The following CNTN5 variants were observed in gnomAD, a reference collection of about 807,000 sequenced individuals.
CNTN5 encodes the protein contactin 5, also known as contactin-5.
Under a neutral mutation model 129.1 loss-of-function variants are expected in CNTN5, and 77 were observed. The ratio of observed to expected loss-of-function variants is 0.60; its 90% CI spans 0.50 to 0.72. The LOEUF (loss-of-function observed/expected upper bound fraction) is 0.72, where lower values mean the gene tolerates loss of function less well. CNTN5 is among the 30% of genes least tolerant of loss of function. The pLI, the probability that CNTN5 is intolerant of heterozygous loss-of-function variation, is 0.00. For missense variants in CNTN5, 1,478 were observed against 1,328.8 expected, an observed-to-expected ratio of 1.11 and a Z score of -1.75; for synonymous variants, 509 against 465.6, an observed-to-expected ratio of 1.09 and a Z score of -1.20.
intron 3 of CNTN5, among the ~76,000 whole-genome samples, chr11:99,785,735 C>G (rs1048400915): frequency 6.6e-6 from 1 of 152,080 alleles, no homozygotes; most frequent in Non-Finnish European, 1.5e-5. Context: ...TAAACATAAA[C>G]AGAACCAATG....
At chr11:100,057,233 T>C (rs1943272901) in intron 9 of CNTN5, among the ~76,000 whole-genome samples, 1 of 147,936 alleles carries the variant, frequency 6.8e-6, no homozygotes, top group Non-Finnish European at 1.5e-5. Flanking sequence ...TATAAGTATA[T>C]ACATTATAAA....
chr11:99,948,227 A>T (rs959333599), intron 7 of CNTN5, among the ~76,000 whole-genome samples: 2 of 152,190 alleles, frequency 1.3e-5, no homozygotes, highest in African/African-American at 4.8e-5. Context: ...GTAAATCTTA[A>T]TGTAAGTGGA....
chr11:99,744,029 C>T (rs1219314995), intron 3 of CNTN5, among the ~76,000 whole-genome samples: 2 of 152,024 alleles, frequency 1.3e-5, no homozygotes, highest in Non-Finnish European at 2.9e-5. Context: ...TGAAAAATTT[C>T]AACCCTTAAA....
At chr11:99,319,968 G>A (rs1287810862) in intron 1 of CNTN5, among the ~76,000 whole-genome samples, 1 of 152,160 alleles carries the variant, frequency 6.6e-6, no homozygotes, top group Non-Finnish European at 1.5e-5. Flanking sequence ...GTCAGAAATG[G>A]CTTTAGCATG....
intron 13 of CNTN5, among the ~76,000 whole-genome samples, chr11:100,157,485 T>C (rs1208837326): frequency 6.6e-6 from 1 of 151,302 alleles, no homozygotes; most frequent in Non-Finnish European, 1.5e-5. Context: ...TATACCATGT[T>C]AATGAATTGA....
chr11:100,082,017 C>T (rs1223254657), intron 13 of CNTN5, among the ~76,000 whole-genome samples: 4 of 152,148 alleles, frequency 2.6e-5, no homozygotes, highest in Non-Finnish European at 5.9e-5. Flanking sequence ...CACAAACACA[C>T]ATTAAGCATG....
chr11:99,346,326 T>C (rs1937861801), intron 2 of CNTN5, among the ~76,000 whole-genome samples: 1 of 152,268 alleles, frequency 6.6e-6, no homozygotes, highest in South Asian at 2.1e-4. Context: ...TGTGAACTAA[T>C]GTATTTTCAA....
intron 9 of CNTN5, among the ~76,000 whole-genome samples, chr11:100,010,091 G>A (rs1940434190): frequency 6.6e-6 from 1 of 152,006 alleles, no homozygotes; most frequent in Admixed American, 6.6e-5. Flanking sequence ...GAGATAAAGG[G>A]GTCAAGGGAC....
chr11:100,272,530 G>A (rs1331265323), intron 18 of CNTN5, among the ~76,000 whole-genome samples: 1 of 151,616 alleles, frequency 6.6e-6, no homozygotes, highest in Admixed American at 6.6e-5. Context: ...AGGGAGGGAG[G>A]GAAAAGAAAG....
chr11:99,908,991 G>C (rs144660553), intron 6 of CNTN5, among the ~76,000 whole-genome samples: 2 of 151,946 alleles, frequency 1.3e-5, no homozygotes, highest in Non-Finnish European at 2.9e-5. Flanking sequence ...GAAAAAACGG[G>C]GCTAATGAAA....
intron 21 of CNTN5, among the ~76,000 whole-genome samples, chr11:100,322,234 T>G (rs1214723653): frequency 1.3e-5 from 2 of 152,150 alleles, no homozygotes; most frequent in Non-Finnish European, 2.9e-5. Context: ...CCGTCTTTTT[T>G]TTTTTTTAGA....
chr11:99,231,724 G>T (rs1356343691), intron 1 of CNTN5, among the ~76,000 whole-genome samples: 1 of 152,018 alleles, frequency 6.6e-6, no homozygotes, highest in African/African-American at 2.4e-5. Context: ...ATCTTTGCCT[G>T]TGCCTATGTC....
chr11:100,027,906 G>T (rs1024578661), intron 9 of CNTN5, among the ~76,000 whole-genome samples: 1 of 152,112 alleles, frequency 6.6e-6, no homozygotes, highest in African/African-American at 2.4e-5. Flanking sequence ...ATTTTGTGTA[G>T]TATTTAGCTA....
chr11:99,837,896 T>G (rs1196744396), intron 4 of CNTN5, among the ~76,000 whole-genome samples: 1 of 152,102 alleles, frequency 6.6e-6, no homozygotes, highest in Non-Finnish European at 1.5e-5. Flanking sequence ...AACTTCATTT[T>G]TGTTAATTTC....
intron 2 of CNTN5, among the ~76,000 whole-genome samples, chr11:99,531,424 G>A (rs1947701651): frequency 1.3e-5 from 2 of 152,146 alleles, no homozygotes; most frequent in African/African-American, 4.8e-5. Flanking sequence ...CTATTCAATA[G>A]AAAATAAAAA....
chr11:99,841,897 T>TATA (rs199778721), intron 4 of CNTN5, among the ~76,000 whole-genome samples: 42 of 47,410 alleles, frequency 8.9e-4, no homozygotes, highest in East Asian at 6.4e-3. Flanking sequence ...TATATATATA[T>TATA]TTTTTTTTTA....
At chr11:99,706,967 T>A (rs1490864107) in intron 3 of CNTN5, among the ~76,000 whole-genome samples, 1 of 151,354 alleles carries the variant, frequency 6.6e-6, no homozygotes, top group African/African-American at 2.4e-5. Flanking sequence ...AGACTATGGC[T>A]AATCACATTC....
intron 9 of CNTN5, among the ~76,000 whole-genome samples, chr11:100,008,532 G>C (rs1425561676): frequency 1.3e-5 from 2 of 152,082 alleles, no homozygotes. Flanking sequence ...TCTAGGGACT[G>C]TCATATCTTC....
intron 18 of CNTN5, among the ~76,000 whole-genome samples, chr11:100,278,456 T>C (rs2138808868): frequency 6.6e-6 from 1 of 152,218 alleles, no homozygotes; most frequent in East Asian, 1.9e-4. Context: ...GGGAATATCT[T>C]TCTATTATTT....
Sources: allele counts gnomAD v4.1 joint callset (sites outside exome capture counted in the v4.1 genomes callset), GRCh38; gene constraint gnomAD v4.1.1; transcripts MANE v1.5; gene names NCBI Gene and HGNC (gene_info 2026-07-23, HGNC 2026-07-21).